STAB2: variants seen among roughly 807,000 people sequenced by gnomAD.
The protein encoded by STAB2 is stabilin-2.
STAB2 carries 288 observed loss-of-function variants against 338.1 expected under a neutral mutation model. The ratio of observed to expected loss-of-function variants is 0.85; its 90% CI spans 0.77 to 0.94. The LOEUF (loss-of-function observed/expected upper bound fraction) is 0.94. STAB2 is among the 40% of genes least tolerant of loss of function. The pLI, the probability that STAB2 is intolerant of heterozygous loss-of-function variation, is 0.00. For missense variants in STAB2, 3,141 were observed against 3,210.1 expected, an observed-to-expected ratio of 0.98 and a Z score of 0.52; for synonymous variants, 1,202 against 1,193.3, an observed-to-expected ratio of 1.01 and a Z score of -0.15.
At chr12:103,592,065 A>T (rs1956807007) in intron 2 of STAB2, 1 of 152,304 alleles carries the variant, frequency 6.6e-6, no homozygotes, top group East Asian at 1.9e-4. Context: ...CATTTTAAAT[A>T]AAAGTTTCCC....
chr12:103,735,650 G>T, intron 52 of STAB2, 70 bp downstream of exon 52: 1 of 1,213,114 alleles, frequency 8.2e-7, no homozygotes, highest in Non-Finnish European at 1.1e-6. Flanking sequence ...CCCAACAACT[G>T]CCCCTTCAAG....
At position 103,760,012 on chromosome 12, in the gene STAB2, G is replaced by C. The variant is rs183900014; in HGVS notation, c.7248+739G>C. On this transcript the variant is annotated intron_variant, in intron 65 of 68. Transcript: ENST00000388887. Reference sequence around the variant, plus strand: ...TAAATTGTGGCATGACTAAGAAATAGATGGTGGATATGAGTGGAAGATAAG... The same window carrying C: ...TAAATTGTGGCATGACTAAGAAATACATGGTGGATATGAGTGGAAGATAAG... Among the ~76,000 whole-genome samples the C allele has an allele frequency of 2.0e-5, 3 of 152,344 alleles. No homozygotes were observed. The East Asian group carries it at 5.8e-4, about 29-fold the overall frequency.
intron 45 of STAB2, 94 bp from the exon 46 acceptor site, chr12:103,726,021 GC>G: frequency 7.2e-7 from 1 of 1,391,162 alleles, no homozygotes; most frequent in Non-Finnish European, 1.0e-6. Flanking sequence ...CAGATTTCCA[GC>G]TGAAGGGATG....
intron 39 of STAB2, among the ~76,000 whole-genome samples, chr12:103,710,030 C>G (rs1181473845): frequency 6.6e-6 from 1 of 152,188 alleles, no homozygotes; most frequent in Non-Finnish European, 1.5e-5. Context: ...CAATCCATCT[C>G]TTCCTCCTGC....
chr12:103,616,039 G>A (rs12303315), intron 3 of STAB2, among the ~76,000 whole-genome samples: 16,112 of 152,114 alleles, frequency 0.11, 1,148 homozygotes, highest in African/African-American at 0.2. Context: ...CACTCCCAAG[G>A]GATTCCAAAC....
intron 53 of STAB2, 100 bp from the exon 54 acceptor site, chr12:103,739,312 G>C: frequency 9.0e-7 from 1 of 1,116,076 alleles, no homozygotes; most frequent in Non-Finnish European, 1.2e-6. Context: ...AGAGTCTTAA[G>C]ATTAGTTAAG....
chr12:103,725,143 G>A, intron 45 of STAB2, 49 bp downstream of exon 45: 1 of 1,588,576 alleles, frequency 6.3e-7, no homozygotes, highest in Non-Finnish European at 8.6e-7. Flanking sequence ...CCCTAAAAAT[G>A]CCAAGAATCC....
At chr12:103,668,808 T>C (rs1875426275) in intron 20 of STAB2, 79 bp downstream of exon 20, 21 of 1,312,498 alleles carry the variant, frequency 1.6e-5, no homozygotes, top group Non-Finnish European at 2.1e-5. Context: ...GGTCCTAGGG[T>C]CCACGTGGTC....
chr12:103,692,307 T>G (rs193004099), intron 30 of STAB2, among the ~76,000 whole-genome samples: 4 of 152,342 alleles, frequency 2.6e-5, no homozygotes, highest in Admixed American at 2.6e-4. Context: ...GACCTCACTT[T>G]AACTTGATCA....
At chr12:103,677,341 T>G (rs1876474278) in intron 24 of STAB2, 112 bp from the exon 25 acceptor site, 1 of 1,377,786 alleles carries the variant, frequency 7.3e-7, no homozygotes. Flanking sequence ...TCCACCTCAC[T>G]CAATGCAAAT....
chr12:103,600,560 C>T (rs565235966), intron 3 of STAB2, among the ~76,000 whole-genome samples: 153 of 152,352 alleles, frequency 1.0e-3, no homozygotes, highest in African/African-American at 3.5e-3. Flanking sequence ...AAAGGCCCCA[C>T]CTGCAAACAC....
chr12:103,682,478 T>C (rs974740376), intron 25 of STAB2, among the ~76,000 whole-genome samples: 1 of 152,212 alleles, frequency 6.6e-6, no homozygotes, highest in Admixed American at 6.5e-5. Context: ...GCCAAATGTT[T>C]CTAAATTGAA....
chr12:103,593,502 G>T (rs79619576), intron 2 of STAB2, among the ~76,000 whole-genome samples: 2 of 152,182 alleles, frequency 1.3e-5, no homozygotes, highest in Non-Finnish European at 2.9e-5. Context: ...ATTTGGTCCT[G>T]CCCTTGGACT....
Position 103,739,414 on chromosome 12 carries a change from G to A in STAB2, c.5700G>A (p.Gly1900=). ...GTGTTTCTTTTCTTGCATACTAGGG[G>A]GAGTGTGGGAGCTGTGTCAATACTC... ...CDTFTTFDAS[G]ECGSCVNTPS... The change falls in exon 54 of 69, where the codon GGG becomes GGA. Residue 1900 remains glycine (G), a splice_region_variant and synonymous_variant. Transcript: ENST00000388887. 6.3e-7 allele frequency: 1 copy of A among 1,587,334 alleles called. No individual in the cohort carries two copies.
At chr12:103,591,546 T>C (rs1291670482) in intron 2 of STAB2, among the ~76,000 whole-genome samples, 3 of 152,232 alleles carry the variant, frequency 2.0e-5, no homozygotes, top group Non-Finnish European at 4.4e-5. Flanking sequence ...TTATTTTGTA[T>C]TGCACATAAA....
Position 103,766,378 on chromosome 12 carries a change from G to A in STAB2, c.*42G>A. On this transcript the variant is annotated 3_prime_UTR_variant, in exon 69 of 69. Coordinates refer to ENST00000388887, the MANE Select transcript of STAB2 (RefSeq NM_017564.10). Reference sequence around the variant, plus strand: ...TGCCAGCCATCACTCACTGCCACCTGGGCCATCAACTGTGAATTCTCAGCA... The same window carrying A: ...TGCCAGCCATCACTCACTGCCACCTAGGCCATCAACTGTGAATTCTCAGCA... The A allele has an allele frequency of 1.3e-6, 2 of 1,578,192 alleles. No individual in the cohort carries two copies. Among genetic ancestry groups the A allele is most frequent in the Non-Finnish European group, 1.7e-6 (2 of 1,161,558 alleles).
intron 34 of STAB2, among the ~76,000 whole-genome samples, chr12:103,702,287 A>G (rs1285152259): frequency 2.1e-5 from 3 of 142,582 alleles, no homozygotes; most frequent in Non-Finnish European, 4.5e-5. Flanking sequence ...TTAAAAAATT[A>G]TCAGTTATTT....
rs1315396510 is a variant in STAB2 at position 103,755,627 on chromosome 12, G to A, written c.6896G>A (p.Cys2299Tyr). 4 of 1,614,030 alleles carry A rather than the reference G, an allele frequency of 2.5e-6. No individual in the cohort carries two copies. Among genetic ancestry groups the A allele is most frequent in the Non-Finnish European group, 3.4e-6 (4 of 1,180,048 alleles). The change falls in exon 63 of 69, where the codon TGC becomes TAC. Residue 2299 changes from cysteine (C) to tyrosine (Y), a missense_variant. Physicochemically the swap from Cys to Tyr is radical, Grantham distance 194 (BLOSUM62 -2). Coordinates refer to ENST00000388887, the MANE Select transcript of STAB2 (RefSeq NM_017564.10). The stretch of plus-strand genomic sequence containing the variant: ...TGCCCTCCAGATGTGAACTGCACCT[G>A]CAAGGTGGGCTATGTGGGAGATGGC... ...CYRMKDVNCT[C>Y]KVGYVGDGFS...
At chr12:103,673,793 G>A (rs947667880) in intron 22 of STAB2, 114 bp from the exon 23 acceptor site, 3 of 1,164,386 alleles carry the variant, frequency 2.6e-6, no homozygotes, top group Non-Finnish European at 3.6e-6. Flanking sequence ...ATTCTGCTTT[G>A]ACAAGAGTGA....
Sources: gnomAD v4.1 joint callset for allele counts (sites outside exome capture counted in the v4.1 genomes callset) on GRCh38, gnomAD v4.1.1 for gene constraint, MANE v1.5 for transcripts, NCBI Gene and HGNC (gene_info 2026-07-23, HGNC 2026-07-21) for gene names.